BORCS5: variants seen among roughly 807,000 people sequenced by gnomAD.
BORCS5 encodes the protein BLOC-1-related complex subunit 5.
BORCS5 carries 17 observed loss-of-function variants against 22.1 expected under a neutral mutation model. That is an observed-to-expected ratio of 0.77 (90% confidence interval 0.53 to 1.15). BORCS5 has a LOEUF of 1.15. BORCS5 is among the 50% of genes most tolerant of loss of function. The probability of loss-of-function intolerance (pLI) is 0.00; values close to 1 mark genes in which losing one functional copy is unlikely to be tolerated. For missense variants in BORCS5, 247 were observed against 253.2 expected (o/e 0.98, Z 0.17); for synonymous variants, 117 against 99.8 (o/e 1.17, Z -1.03).
chr12:12,461,537 C>T (rs1260272433), intron 3 of BORCS5, among the ~76,000 whole-genome samples: 2 of 152,042 alleles, frequency 1.3e-5, no homozygotes, highest in African/African-American at 4.8e-5. Flanking sequence ...ATGATGGTGG[C>T]TTATACAAAA....
At chr12:12,364,833 G>C (rs1308076183) in intron 2 of BORCS5, among the ~76,000 whole-genome samples, 1 of 152,192 alleles carries the variant, frequency 6.6e-6, no homozygotes, top group African/African-American at 2.4e-5. Flanking sequence ...CGGGCATGGT[G>C]GTGGGCACCT....
At chr12:12,422,335 C>G (rs543346557) in intron 2 of BORCS5, among the ~76,000 whole-genome samples, 1 of 151,732 alleles carries the variant, frequency 6.6e-6, no homozygotes, top group Non-Finnish European at 1.5e-5. Flanking sequence ...TGAAGGAGGC[C>G]GGATGCGGTG....
Position 12,452,474 on chromosome 12 carries a change from C to T in BORCS5, c.361-13072C>T, listed in dbSNP as rs549123467. ...CCCATGATTGTTAAGATTAGGATCG[C>T]CTTGATCGTGGCTGGGTCGGGCCCA... is the stretch of plus-strand genomic sequence containing the variant. On this transcript the variant is annotated intron_variant, in intron 3 of 3. Coordinates refer to ENST00000314565, the MANE Select transcript of BORCS5 (RefSeq NM_058169.6). 2.1e-3 allele frequency: 1,015 copies of T among 489,830 alleles called. 13 individuals carry two copies. The highest frequency in any genetic ancestry group is 0.017 in the African/African-American group (889 of 50,876). The allele number at this position is 489,830 out of a possible 1,614,324, so 30.3% of individuals were successfully genotyped here.
intron 2 of BORCS5, among the ~76,000 whole-genome samples, chr12:12,387,182 G>A (rs1370659491): frequency 6.6e-6 from 1 of 151,376 alleles, no homozygotes; most frequent in Non-Finnish European, 1.5e-5. Flanking sequence ...TCATTATGTG[G>A]TTGTATCAAT....
intron 3 of BORCS5, among the ~76,000 whole-genome samples, chr12:12,447,487 A>G (rs1245932522): frequency 6.6e-6 from 1 of 152,148 alleles, no homozygotes; most frequent in Non-Finnish European, 1.5e-5. Flanking sequence ...TGGACTCTAG[A>G]TCAGGCTCCA....
chr12:12,363,638 G>A (rs1244206386), intron 2 of BORCS5, among the ~76,000 whole-genome samples: 3 of 152,122 alleles, frequency 2.0e-5, no homozygotes, highest in African/African-American at 7.2e-5. Flanking sequence ...TTGGGAGGGT[G>A]AGGTAGGAGA....
intron 2 of BORCS5, among the ~76,000 whole-genome samples, chr12:12,429,533 T>C (rs1333593714): frequency 6.6e-6 from 1 of 152,192 alleles, no homozygotes; most frequent in Non-Finnish European, 1.5e-5. Context: ...GTTTTGTTTT[T>C]AGATGGTTAG....
intron 2 of BORCS5, among the ~76,000 whole-genome samples, chr12:12,416,162 G>A (rs961543796): frequency 6.6e-6 from 1 of 152,052 alleles, no homozygotes; most frequent in Non-Finnish European, 1.5e-5. Context: ...CATAGAATCG[G>A]TATTAATGTA....
rs978222190 is a variant in BORCS5 at position 12,357,596 on chromosome 12, G to T, written c.58+87G>T. On this transcript the variant is annotated intron_variant, in intron 1 of 3. Transcript: ENST00000314565. ...CTCCCAGACTAGGGTCAGGGACTGC[G>T]GACGGGAACGCACAGAAAAAGCCTT... 1.2e-5 allele frequency: 17 copies of T among 1,407,954 alleles called. No homozygotes were observed. The African/African-American group carries it at 2.3e-4, about 19-fold the overall frequency. 87.2% of individuals were successfully genotyped at this position (1,407,954 alleles called of 1,614,324 possible). A position where few individuals can be genotyped will look rare whatever the true frequency, so the allele number is the denominator to read the frequency against.
At chr12:12,457,919 T>G (rs974574314) in intron 3 of BORCS5, among the ~76,000 whole-genome samples, 1 of 152,210 alleles carries the variant, frequency 6.6e-6, no homozygotes, top group Non-Finnish European at 1.5e-5. Flanking sequence ...GTGTCATGAA[T>G]AGCCGCTCCT....
chr12:12,419,347 A>C (rs1201943499), intron 2 of BORCS5, among the ~76,000 whole-genome samples: 1 of 152,162 alleles, frequency 6.6e-6, no homozygotes, highest in Non-Finnish European at 1.5e-5. Context: ...TTCCAGCTTC[A>C]TCCATGTCCC....
intron 3 of BORCS5, among the ~76,000 whole-genome samples, chr12:12,460,210 T>C (rs560703281): frequency 1.3e-5 from 2 of 152,258 alleles, no homozygotes; most frequent in Non-Finnish European, 2.9e-5. Flanking sequence ...GTAATATCAG[T>C]GTACAGATCT....
chr12:12,357,334 C>G lies in BORCS5; in HGVS notation c.-118C>G, dbSNP rs891959257. On this transcript the variant is annotated 5_prime_UTR_variant, in exon 1 of 4. Transcript: ENST00000314565. ...TCAGCCCCACACATTAGCCTCGCTG[C>G]GGCGCCCAGACTCTGCTTTGCCTCC... 6.8e-7 allele frequency: 1 copy of G among 1,479,420 alleles called. No homozygotes were observed. The highest frequency in any genetic ancestry group is 9.0e-7 in the Non-Finnish European group (1 of 1,109,274). 91.6% of individuals were successfully genotyped at this position (1,479,420 alleles called of 1,614,324 possible).
intron 2 of BORCS5, among the ~76,000 whole-genome samples, chr12:12,415,987 T>A (rs1941939078): frequency 6.6e-6 from 1 of 152,184 alleles, no homozygotes; most frequent in African/African-American, 2.4e-5. Flanking sequence ...TTTTTTATTA[T>A]GTATTCAATC....
intron 3 of BORCS5, among the ~76,000 whole-genome samples, chr12:12,449,874 A>C (rs1239260374): frequency 6.6e-6 from 1 of 152,216 alleles, no homozygotes; most frequent in Admixed American, 6.5e-5. Context: ...AGACGTGTGC[A>C]GTTTTGACTG....
chr12:12,405,535 G>T (rs532101375), intron 2 of BORCS5, among the ~76,000 whole-genome samples: 1 of 152,122 alleles, frequency 6.6e-6, no homozygotes, highest in South Asian at 2.1e-4. Flanking sequence ...TTAGTATAGG[G>T]GATTACCTGC....
intron 3 of BORCS5, among the ~76,000 whole-genome samples, chr12:12,461,289 C>T (rs1943099636): frequency 6.6e-6 from 1 of 151,896 alleles, no homozygotes; most frequent in Admixed American, 6.6e-5. Flanking sequence ...TCACCTCAGC[C>T]TCTGGAGCAG....
chr12:12,401,516 A>C (rs1565870715), intron 2 of BORCS5, among the ~76,000 whole-genome samples: 1 of 152,138 alleles, frequency 6.6e-6, no homozygotes, highest in Non-Finnish European at 1.5e-5. Context: ...TATTTTTTTA[A>C]TAATTTTTTT....
Position 12,357,416 on chromosome 12 carries a change from G to C in BORCS5, c.-36G>C. On this transcript the variant is annotated 5_prime_UTR_variant, in exon 1 of 4. Transcript: ENST00000314565. The stretch of plus-strand genomic sequence containing the variant: ...CCGCCGCCGGAGCGGTGACCGCCCG[G>C]CCCGCCGTTCTTCTGCTGCCACCGC... 1.3e-6 allele frequency: 2 copies of C among 1,597,238 alleles called. No homozygotes were observed. Among genetic ancestry groups the C allele is most frequent in the Non-Finnish European group, 1.7e-6 (2 of 1,168,964 alleles).
Sources: allele counts gnomAD v4.1 joint callset (sites outside exome capture counted in the v4.1 genomes callset), GRCh38; gene constraint gnomAD v4.1.1; transcripts MANE v1.5; gene names NCBI Gene and HGNC (gene_info 2026-07-23, HGNC 2026-07-21).